The following OR2AT4 variants were observed in gnomAD, a reference collection of about 807,000 sequenced individuals.
The protein encoded by OR2AT4 is olfactory receptor family 2 subfamily AT member 4.
In OR2AT4, 6 loss-of-function variants were observed where a neutral mutation model predicts 10.3. The observed-to-expected ratio is 0.58, with a 90% CI of 0.32 to 1.15. The LOEUF (loss-of-function observed/expected upper bound fraction) is 1.15. Ranked by LOEUF, OR2AT4 falls within the 50% of genes most tolerant of loss-of-function variation. The pLI, the probability that OR2AT4 is intolerant of heterozygous loss-of-function variation, is 0.05. For synonymous variants in OR2AT4, 145 were observed against 159.1 expected, an observed-to-expected ratio of 0.91 and a Z score of 0.67; for missense variants, 354 against 393.8, an observed-to-expected ratio of 0.90 and a Z score of 0.85.
At chr11:75,088,766 A>G (rs750036212) in exon 2 of OR2AT4, 1 of 1,562,818 alleles carries the variant, frequency 6.4e-7, no homozygotes, top group Non-Finnish European at 8.7e-7. Context: ...TGCTCCTGTC[A>G]CAGCCTGGGT....
chr11:75,096,504 C>G (rs1380155732), intron 1 of OR2AT4, among the ~76,000 whole-genome samples: 1 of 152,196 alleles, frequency 6.6e-6, no homozygotes, highest in East Asian at 1.9e-4. Flanking sequence ...CTGGCTCCAC[C>G]ACTTTGTGCT....
exon 2 of OR2AT4, chr11:75,086,516 C>T (rs1355976735): frequency 6.6e-6 from 1 of 152,124 alleles, no homozygotes; most frequent in Non-Finnish European, 1.5e-5. Context: ...GATTAAAAAG[C>T]AGGCAAAAGA....
At chr11:75,094,113 G>A (rs988322590) in intron 1 of OR2AT4, among the ~76,000 whole-genome samples, 28 of 151,710 alleles carry the variant, frequency 1.8e-4, no homozygotes, top group Non-Finnish European at 2.9e-4. Flanking sequence ...GTGAACCACC[G>A]CACCCAGCCA....
exon 2 of OR2AT4, chr11:75,087,724 G>A (rs1285717802): frequency 6.6e-6 from 1 of 152,198 alleles, no homozygotes; most frequent in African/African-American, 2.4e-5. Context: ...AATTTTCTTT[G>A]TGGTCATGCC....
intron 1 of OR2AT4, among the ~76,000 whole-genome samples, chr11:75,094,728 A>G (rs1949338117): frequency 6.6e-6 from 1 of 152,220 alleles, no homozygotes; most frequent in South Asian, 2.1e-4. Context: ...AGCCTGGGCA[A>G]CAGAGGGAGA....
At chr11:75,092,610 T>C (rs1949325430) in intron 1 of OR2AT4, among the ~76,000 whole-genome samples, 1 of 152,112 alleles carries the variant, frequency 6.6e-6, no homozygotes, top group Non-Finnish European at 1.5e-5. Flanking sequence ...GTGACTTCTG[T>C]CACCATGGAT....
intron 1 of OR2AT4, among the ~76,000 whole-genome samples, chr11:75,092,100 T>C (rs1408375541): frequency 6.6e-6 from 1 of 152,138 alleles, no homozygotes; most frequent in Non-Finnish European, 1.5e-5. Flanking sequence ...GTGGGCACTT[T>C]ACAAAAGAGA....
exon 2 of OR2AT4, chr11:75,086,237 C>T (rs1400592121): frequency 2.0e-5 from 3 of 152,204 alleles, no homozygotes; most frequent in South Asian, 2.1e-4. Context: ...CTAGAAACTT[C>T]GTTTTCTATA....
At chr11:75,096,436 G>A (rs118111221) in intron 1 of OR2AT4, among the ~76,000 whole-genome samples, 195 of 152,268 alleles carry the variant, frequency 1.3e-3, no homozygotes, top group Non-Finnish European at 1.9e-3. Context: ...CAGGATATAC[G>A]TGAAGCACAG....
exon 2 of OR2AT4, chr11:75,086,109 T>C (rs1949288795): frequency 1.3e-5 from 2 of 152,100 alleles, no homozygotes; most frequent in Non-Finnish European, 2.9e-5. Context: ...TAACAAATGG[T>C]GCTGGAATGA....
chr11:75,089,663 A>G lies in OR2AT4; in HGVS notation c.51T>C (p.Tyr17=), dbSNP rs1591785498. The G allele has an allele frequency of 4.3e-6, 7 of 1,613,808 alleles. No homozygotes were observed. The Middle Eastern group carries it at 5.0e-4, about 115-fold the overall frequency. ...CTGGCAGAGAGGGGATGCCCAATAGATAGAAGACGGGTGAGCCATCCACTG... is the reference window on the plus strand; with the variant it reads ...CTGGCAGAGAGGGGATGCCCAATAGGTAGAAGACGGGTGAGCCATCCACTG... The change falls in exon 2 of 2, where the codon TAT becomes TAC. Residue 17 remains tyrosine, a synonymous_variant. Transcript: ENST00000641504.
Position 75,089,787 on chromosome 11 carries a change from G to C in OR2AT4, c.-74C>G. ...ACATTGGAAACATCTGGAAACCATAGAAACAAAGGATTCTGGAGTGATAAT... is the reference window on the plus strand; with the variant it reads ...ACATTGGAAACATCTGGAAACCATACAAACAAAGGATTCTGGAGTGATAAT... On this transcript the variant is annotated 5_prime_UTR_variant, in exon 2 of 2. Transcript: ENST00000641504. 10 of 1,432,834 alleles carry C rather than the reference G, an allele frequency of 7.0e-6. No individual in the cohort carries two copies. The South Asian group carries it at 1.3e-4, about 19-fold the overall frequency. The allele number at this position is 1,432,834 out of a possible 1,614,324, so 88.8% of individuals were successfully genotyped here. A position where few individuals can be genotyped will look rare whatever the true frequency, so the allele number is the denominator to read the frequency against.
intron 1 of OR2AT4, chr11:75,096,062 G>A (rs1949347596): frequency 6.6e-6 from 1 of 152,184 alleles, no homozygotes; most frequent in African/African-American, 2.4e-5. Context: ...GAACTAGACT[G>A]TCAACAGAGC....
At chr11:75,088,891 A>T in exon 2 of OR2AT4, 1 of 1,614,016 alleles carries the variant, frequency 6.2e-7, no homozygotes, top group Non-Finnish European at 8.5e-7. Flanking sequence ...ATGATATGGA[A>T]GTCAAGGGGC....
exon 2 of OR2AT4, chr11:75,088,061 C>CT (rs1215476710): frequency 6.6e-6 from 1 of 152,142 alleles, no homozygotes; most frequent in Non-Finnish European, 1.5e-5. Context: ...TCCTTATTTC[C>CT]TTTTTATTAC....
At chr11:75,095,165 C>T (rs539832333) in intron 1 of OR2AT4, among the ~76,000 whole-genome samples, 62 of 152,284 alleles carry the variant, frequency 4.1e-4, no homozygotes, top group African/African-American at 1.5e-3. Context: ...TCAAGGTCAA[C>T]CAACAAATTC....
At chr11:75,088,496 T>C (rs879393664) in exon 2 of OR2AT4, 6 of 306,804 alleles carry the variant, frequency 2.0e-5, no homozygotes, top group Non-Finnish European at 3.6e-5. Context: ...ATTCTTTGTA[T>C]AATATGAATA....
At chr11:75,088,992 T>C (rs369497267) in exon 2 of OR2AT4, 3 of 1,613,946 alleles carry the variant, frequency 1.9e-6, no homozygotes, top group Non-Finnish European at 2.5e-6. Flanking sequence ...GGAGAAGGCT[T>C]TTGCCCGTCC....
chr11:75,089,464 G>A (rs1387578774), exon 2 of OR2AT4: 1 of 1,614,088 alleles, frequency 6.2e-7, no homozygotes, highest in Non-Finnish European at 8.5e-7. Flanking sequence ...AGCATCTTGG[G>A]GACAGTGGTT....
Sources: allele counts gnomAD v4.1 joint callset (sites outside exome capture counted in the v4.1 genomes callset), GRCh38; gene constraint gnomAD v4.1.1; transcripts MANE v1.5; gene names NCBI Gene and HGNC (gene_info 2026-07-23, HGNC 2026-07-21).